The following CERT1 variants were observed in gnomAD, a reference collection of about 807,000 sequenced individuals.
CERT1 encodes ceramide transporter 1, also known as ceramide transfer protein.
A neutral mutation model predicts 87.9 loss-of-function variants in CERT1; 31 were observed. That is an observed-to-expected ratio of 0.35 (90% confidence interval 0.27 to 0.48). The LOEUF is 0.48. Among genes scored for constraint, CERT1 ranks in the 20% least tolerant of loss-of-function variants. CERT1 has a pLI of 0.99. For missense variants in CERT1, 487 were observed against 758.0 expected (o/e 0.64, Z 4.20); for synonymous variants, 289 against 250.9 (o/e 1.15, Z -1.44).
At chr5:75,493,096 A>G (rs1263696035) in intron 2 of CERT1, among the ~76,000 whole-genome samples, 1 of 152,218 alleles carries the variant, frequency 6.6e-6, no homozygotes, top group East Asian at 1.9e-4. Flanking sequence ...TTGATGGGGC[A>G]TATCTTTCAG....
At chr5:75,511,642 C>T (rs1468458607), upstream of CERT1, 11 of 1,503,798 alleles carry the variant, frequency 7.3e-6, no homozygotes, top group African/African-American at 8.3e-5. Flanking sequence ...CCTCCCCTCC[C>T]CTGTCCTTTC....
intron 3 of CERT1, among the ~76,000 whole-genome samples, chr5:75,446,670 T>C (rs1291376301): frequency 6.6e-6 from 1 of 152,216 alleles, no homozygotes; most frequent in East Asian, 1.9e-4. Flanking sequence ...GTTATTGTTA[T>C]TTTTTACTGT....
chr5:75,400,620 C>G, intron 9 of CERT1: 1 of 209,500 alleles, frequency 4.8e-6, no homozygotes, highest in Non-Finnish European at 9.5e-6. Flanking sequence ...CCAATTCTCT[C>G]CTATCCAAAC....
chr5:75,414,387 TTGTA>T (rs1187285163), intron 7 of CERT1, among the ~76,000 whole-genome samples: 1 of 152,162 alleles, frequency 6.6e-6, no homozygotes, highest in Non-Finnish European at 1.5e-5. Flanking sequence ...GTACACTTCA[TTGTA>T]TGTATGTTAT....
At chr5:75,484,551 A>G (rs1766417239) in intron 2 of CERT1, among the ~76,000 whole-genome samples, 1 of 152,042 alleles carries the variant, frequency 6.6e-6, no homozygotes, top group Admixed American at 6.5e-5. Context: ...AAAAGAATGG[A>G]AAAAGATATT....
At chr5:75,492,983 T>G (rs1766868387) in intron 2 of CERT1, among the ~76,000 whole-genome samples, 1 of 152,206 alleles carries the variant, frequency 6.6e-6, no homozygotes, top group Non-Finnish European at 1.5e-5. Flanking sequence ...GAATCTGCAT[T>G]TCTAACAAGT....
intron 3 of CERT1, among the ~76,000 whole-genome samples, chr5:75,436,949 T>C (rs918079203): frequency 6.6e-6 from 1 of 152,080 alleles, no homozygotes; most frequent in African/African-American, 2.4e-5. Context: ...CACTAATTTA[T>C]TTTTATTTTT....
At chr5:75,375,913 A>G (rs1761286209), downstream of CERT1, 3 of 151,514 alleles carry the variant, frequency 2.0e-5, no homozygotes, top group Admixed American at 1.3e-4. Context: ...TTGAATTTGG[A>G]TCTTTGTTAG....
chr5:75,407,499 C>T (rs982342851), intron 8 of CERT1, among the ~76,000 whole-genome samples: 4 of 144,840 alleles, frequency 2.8e-5, no homozygotes, highest in East Asian at 2.0e-4. Context: ...AAATTCTATA[C>T]ATCTTCTAAA....
intron 2 of CERT1, among the ~76,000 whole-genome samples, chr5:75,477,647 TAAAAAA>T (rs540588442): frequency 1.1e-5 from 1 of 89,522 alleles, no homozygotes; most frequent in Non-Finnish European, 2.1e-5. Context: ...TAATAAGTTG[TAAAAAA>T]AAAAAAAAAA....
chr5:75,419,536 T>A, intron 5 of CERT1, 112 bp from the exon 6 acceptor site: 5 of 704,136 alleles, frequency 7.1e-6, no homozygotes, highest in Non-Finnish European at 1.2e-5. Context: ...GTATGAAGTC[T>A]TACTCATCTT....
chr5:75,464,578 GTGTTTTTTGTT>G (rs752825187), intron 2 of CERT1, among the ~76,000 whole-genome samples: 16 of 152,044 alleles, frequency 1.1e-4, no homozygotes, highest in Non-Finnish European at 2.4e-4. Flanking sequence ...GACTTGAGCA[GTGTTTTTTGTT>G]TGTTTTTTGG....
At chr5:75,395,873 GAAAA>G (rs1291297136) in intron 11 of CERT1, among the ~76,000 whole-genome samples, 1 of 151,446 alleles carries the variant, frequency 6.6e-6, no homozygotes, top group East Asian at 1.9e-4. Context: ...AAACAAAAAT[GAAAA>G]AACAAACAAC....
chr5:75,467,028 A>T (rs2112339514), intron 2 of CERT1, among the ~76,000 whole-genome samples: 1 of 152,338 alleles, frequency 6.6e-6, no homozygotes, highest in Non-Finnish European at 1.5e-5. Flanking sequence ...AATATTCATA[A>T]AAGCTTTATT....
At chr5:75,474,715 C>G (rs1451632398) in intron 2 of CERT1, among the ~76,000 whole-genome samples, 3 of 152,104 alleles carry the variant, frequency 2.0e-5, no homozygotes, top group Non-Finnish European at 4.4e-5. Flanking sequence ...GCTTACTTCT[C>G]ACCATATGCA....
downstream of CERT1, chr5:75,374,603 C>T (rs796141854): frequency 1.2e-5 from 8 of 691,020 alleles, no homozygotes; most frequent in South Asian, 2.7e-5. Context: ...CAGTGAAGGT[C>T]GCAGCAGTCA....
chr5:75,455,998 T>C (rs1266579197), intron 3 of CERT1, among the ~76,000 whole-genome samples: 1 of 152,214 alleles, frequency 6.6e-6, no homozygotes, highest in Non-Finnish European at 1.5e-5. Flanking sequence ...GCTCCTATCA[T>C]TATCATCATT....
intron 16 of CERT1, among the ~76,000 whole-genome samples, chr5:75,379,978 C>T (rs1761498276): frequency 6.6e-6 from 1 of 152,168 alleles, no homozygotes; most frequent in South Asian, 2.1e-4. Context: ...TATAACCTTT[C>T]TACAATGTTC....
chr5:75,389,183 A>G (rs1561226641), intron 12 of CERT1, among the ~76,000 whole-genome samples: 1 of 152,192 alleles, frequency 6.6e-6, no homozygotes, highest in Non-Finnish European at 1.5e-5. Context: ...AAGAGAAGGG[A>G]AAAGAAGGAG....
Sources: allele counts gnomAD v4.1 joint callset (sites outside exome capture counted in the v4.1 genomes callset), GRCh38; gene constraint gnomAD v4.1.1; transcripts MANE v1.5; gene names NCBI Gene and HGNC (gene_info 2026-07-23, HGNC 2026-07-21).